MYO9B: variants seen among roughly 807,000 people sequenced by gnomAD.
MYO9B encodes myosin IXB.
In MYO9B, 71 loss-of-function variants were observed where a neutral mutation model predicts 229.5. The ratio of observed to expected loss-of-function variants is 0.31; its 90% confidence interval spans 0.26 to 0.38. The LOEUF (loss-of-function observed/expected upper bound fraction) is 0.38. Among genes scored for constraint, MYO9B ranks in the 10% least tolerant of loss-of-function variants. MYO9B has a pLI of 1.00. For missense variants in MYO9B, 2,255 were observed against 2,920.5 expected (o/e 0.77, Z 5.25); for synonymous variants, 1,185 against 1,235.8 (o/e 0.96, Z 0.86).
At chr19:17,185,076 A>G in intron 17 of MYO9B, 89 bp downstream of exon 17, 1 of 1,581,642 alleles carries the variant, frequency 6.3e-7, no homozygotes, top group South Asian at 1.1e-5. Flanking sequence ...GCCCGTCTCT[A>G]GTAAAAATAC....
chr19:17,186,085 TCCAC>T, intron 18 of MYO9B, 84 bp downstream of exon 18: 7 of 1,242,354 alleles, frequency 5.6e-6, no homozygotes, highest in Non-Finnish European at 7.1e-6. Flanking sequence ...AGCCCCAGCC[TCCAC>T]GCAGTATGGG....
At chr19:17,106,568 G>A (rs2057794995) in intron 2 of MYO9B, among the ~76,000 whole-genome samples, 1 of 152,224 alleles carries the variant, frequency 6.6e-6, no homozygotes, top group Non-Finnish European at 1.5e-5. Flanking sequence ...TGGCCAGGGG[G>A]CTCAACGGCT....
intron 20 of MYO9B, 76 bp from the exon 21 acceptor site, chr19:17,192,670 G>C: frequency 7.6e-7 from 1 of 1,318,634 alleles, no homozygotes; most frequent in Admixed American, 2.6e-5. Context: ...TCTGGAGTGG[G>C]CTATGCAGAC....
chr19:17,211,787 G>A lies in MYO9B; in HGVS notation c.6058+13G>A. ...GGGGCCTCGGAAGGTCAGTATTAAG[G>A]TAGCGTCTGCTTTTCTCCTTCCCGT... On this transcript the variant is annotated intron_variant, in intron 39 of 39. Transcript: ENST00000682292. 1 of 1,612,834 alleles carries A rather than the reference G, an allele frequency of 6.2e-7. No homozygotes were observed. Among genetic ancestry groups the A allele is most frequent in the Admixed American group, 1.7e-5 (1 of 59,952 alleles).
In MYO9B at chr19:17,194,809, C is replaced by T; in HGVS notation, c.3382C>T (p.Pro1128Ser). 4 of 1,613,380 alleles carry T rather than the reference C, an allele frequency of 2.5e-6. No individual in the cohort carries two copies. The highest frequency in any genetic ancestry group is 3.4e-6 in the Non-Finnish European group (4 of 1,179,894). Residue 1128 changes from proline to serine, a missense_variant, in exon 22 of 40, where the codon CCA becomes TCA. Pro to Ser is a moderately conservative substitution (Grantham distance 74). Coordinates refer to ENST00000682292, the MANE Select transcript of MYO9B (RefSeq NM_004145.4). ...GGCCCCAAGCCCAGAGAAGACTCTCCCACCCCAGAAAACCGTGGCGGCTGA... is the reference window on the plus strand; with the variant it reads ...GGCCCCAAGCCCAGAGAAGACTCTCTCACCCCAGAAAACCGTGGCGGCTGA... ...KEAPSPEKTL[P>S]PQKTVAAESH...
At chr19:17,079,643 C>T (rs990094972) in intron 1 of MYO9B, among the ~76,000 whole-genome samples, 4 of 152,170 alleles carry the variant, frequency 2.6e-5, no homozygotes, top group Admixed American at 2.6e-4. Context: ...CTGTCCCCTT[C>T]CCTGCTTGGC....
chr19:17,187,870 G>C (rs7249926), intron 18 of MYO9B, 65 bp from the exon 19 acceptor site: 622,238 of 1,383,302 alleles, frequency 0.45, 148,708 homozygotes, highest in African/African-American at 0.74. Flanking sequence ...GCCTGAGCCA[G>C]CAACAGACTT....
intron 2 of MYO9B, among the ~76,000 whole-genome samples, chr19:17,119,674 CAG>C (rs1393830268): frequency 1.3e-5 from 2 of 152,060 alleles, no homozygotes; most frequent in Non-Finnish European, 2.9e-5. Flanking sequence ...TTTTTTGACA[CAG>C]AGTCTCGTTC....
Position 17,203,261 on chromosome 19 carries a change from G to T in MYO9B, c.4990+3G>T. 1 of 1,546,258 alleles carries T rather than the reference G, an allele frequency of 6.5e-7. No individual in the cohort carries two copies. The highest frequency in any genetic ancestry group is 1.2e-5 in the South Asian group (1 of 83,784). On this transcript the variant is annotated splice_donor_region_variant and intron_variant, in intron 30 of 39. Transcript: ENST00000682292. ...GGACAAGGCCCTGCTCTGCAGCGGT[G>T]AGTGGCTCCCCCACCAGGCCCCAAA...
At chr19:17,202,335 G>T in intron 28 of MYO9B, 32 bp downstream of exon 28, 1 of 1,539,108 alleles carries the variant, frequency 6.5e-7, no homozygotes, top group South Asian at 1.2e-5. Flanking sequence ...GCCCACCTGT[G>T]ACATGCCACG....
In MYO9B at chr19:17,102,072, A is replaced by C; in HGVS notation, c.355A>C (p.Lys119Gln). The C allele has an allele frequency of 6.2e-7, 1 of 1,612,802 alleles. No individual in the cohort carries two copies. The highest frequency in any genetic ancestry group is 8.5e-7 in the Non-Finnish European group (1 of 1,179,892). Residue 119 changes from lysine to glutamine, a missense_variant, in exon 2 of 40, where the codon AAG (lysine) becomes CAG (glutamine). This residue lies in a region of MYO9B where 386 missense variants were observed against 515.2 expected (regional missense o/e 0.75). Transcript: ENST00000682292. ...LQERNADGTI[K>Q]YVHMQLVAQA... ...GGAGCGCAACGCAGATGGAACCATC[A>C]AGTACGTGCATATGCAGCTGGTGGC...
At chr19:17,200,493 C>A (rs2073095128) in intron 25 of MYO9B, 67 bp downstream of exon 25, 1 of 1,523,384 alleles carries the variant, frequency 6.6e-7, no homozygotes, top group Non-Finnish European at 8.8e-7. Context: ...ATTCACTGTC[C>A]CCAAACGGGG....
chr19:17,186,508 G>A (rs1338847301), intron 18 of MYO9B, among the ~76,000 whole-genome samples: 1 of 152,108 alleles, frequency 6.6e-6, no homozygotes, highest in Non-Finnish European at 1.5e-5. Flanking sequence ...AGGAGTGTGG[G>A]CTCCCAGACA....
intron 37 of MYO9B, 152 bp from the exon 38 acceptor site, chr19:17,210,563 C>A: frequency 1.6e-6 from 2 of 1,246,866 alleles, no homozygotes; most frequent in Non-Finnish European, 2.2e-6. Flanking sequence ...GGCCACATGA[C>A]CACCACTCTG....
Position 17,212,332 on chromosome 19 carries a change from G to C in MYO9B, c.*22G>C. The C allele has an allele frequency of 6.9e-7, 1 of 1,458,058 alleles. No homozygotes were observed. The highest frequency in any genetic ancestry group is 2.5e-5 in the East Asian group (1 of 39,954). The allele number at this position is 1,458,058 out of a possible 1,614,324, so 90.3% of individuals were successfully genotyped here. ...CTGAGAGCCACAGCTGACAAAGTCTGCATGTCCGAGGACGGCCCCTGCACT... is the reference window on the plus strand; with the variant it reads ...CTGAGAGCCACAGCTGACAAAGTCTCCATGTCCGAGGACGGCCCCTGCACT... On this transcript the variant is annotated 3_prime_UTR_variant, in exon 40 of 40. Transcript: ENST00000682292. This position sits in a 1 kb window ranked among gnomAD's most constrained non-coding sequence, Gnocchi z 5.4.
chr19:17,102,871 C>T (rs937161843), intron 2 of MYO9B, among the ~76,000 whole-genome samples: 1 of 150,802 alleles, frequency 6.6e-6, no homozygotes, highest in Non-Finnish European at 1.5e-5. Context: ...CATGCCACTG[C>T]ACTCCAGCCT....
intron 33 of MYO9B, 138 bp downstream of exon 33, chr19:17,206,514 C>T (rs1324959702): frequency 1.1e-5 from 16 of 1,396,786 alleles, no homozygotes; most frequent in African/African-American, 4.3e-5. Context: ...CCAGCCAAAC[C>T]GGGTCCCCAG....
chr19:17,185,555 A>AAAAC (rs1568291390), intron 17 of MYO9B, among the ~76,000 whole-genome samples: 4 of 150,626 alleles, frequency 2.7e-5, no homozygotes, highest in African/African-American at 9.9e-5. Context: ...TCAAAAAAAA[A>AAAAC]AAAACAAAAC....
intron 19 of MYO9B, among the ~76,000 whole-genome samples, chr19:17,190,324 C>G (rs887964204): frequency 6.6e-6 from 1 of 151,352 alleles, no homozygotes; most frequent in Non-Finnish European, 1.5e-5. Flanking sequence ...CTCTCCAGTA[C>G]ATGGGGTTAC....
Sources: allele counts gnomAD v4.1 joint callset (sites outside exome capture counted in the v4.1 genomes callset), GRCh38; gene constraint gnomAD v4.1.1; regional missense constraint gnomAD v4.1.1; non-coding constraint Gnocchi (gnomAD v3.1); transcripts MANE v1.5; gene names NCBI Gene and HGNC (gene_info 2026-07-23, HGNC 2026-07-21).